The following PTPRG variants were observed in gnomAD, a reference collection of about 807,000 sequenced individuals.
PTPRG encodes receptor-type tyrosine-protein phosphatase gamma.
PTPRG carries 102 observed loss-of-function variants against 165.3 expected under a neutral mutation model. That is an observed-to-expected ratio of 0.62 (90% CI 0.53 to 0.73). PTPRG has a LOEUF of 0.73. Among genes scored for constraint, PTPRG ranks in the 30% least tolerant of loss-of-function variants. PTPRG has a pLI of 0.00. For synonymous variants in PTPRG, 675 were observed against 669.5 expected (o/e 1.01, Z -0.13); for missense variants, 1,866 against 1,861.4 (o/e 1.00, Z -0.05).
At chr3:62,236,228 ACTC>A (rs902803698) in intron 14 of PTPRG, among the ~76,000 whole-genome samples, 7 of 151,956 alleles carry the variant, frequency 4.6e-5, no homozygotes, top group Admixed American at 4.6e-4. Flanking sequence ...TATTTCAGAC[ACTC>A]CTCTTTGAGG....
intron 1 of PTPRG, among the ~76,000 whole-genome samples, chr3:61,667,643 C>T (rs1177125447): frequency 6.6e-6 from 1 of 152,032 alleles, no homozygotes; most frequent in Non-Finnish European, 1.5e-5. Context: ...CCAGAATTAC[C>T]GGCTAATAAA....
At chr3:61,851,902 C>G (rs1270286820) in intron 2 of PTPRG, among the ~76,000 whole-genome samples, 2 of 152,034 alleles carry the variant, frequency 1.3e-5, no homozygotes, top group Non-Finnish European at 2.9e-5. Context: ...ATTGGAGTCA[C>G]GTAATTTTCC....
intron 1 of PTPRG, among the ~76,000 whole-genome samples, chr3:61,594,502 CAA>C (rs2106830216): frequency 6.6e-6 from 1 of 152,108 alleles, no homozygotes; most frequent in East Asian, 1.9e-4. Context: ...ATTTAGAGGA[CAA>C]GAGCAACTTC....
At chr3:61,749,140 A>G in intron 2 of PTPRG, 158 bp downstream of exon 2, 1 of 721,876 alleles carries the variant, frequency 1.4e-6, no homozygotes, top group Non-Finnish European at 2.5e-6. Context: ...GTTTTTCCTC[A>G]AGGTTATAAG....
chr3:62,093,149 T>A (rs545288225), intron 5 of PTPRG, among the ~76,000 whole-genome samples: 101 of 152,302 alleles, frequency 6.6e-4, no homozygotes, highest in African/African-American at 2.3e-3. Context: ...TTCTAAATAG[T>A]GCACACAGGT....
At chr3:61,925,328 C>A (rs774066347) in intron 2 of PTPRG, among the ~76,000 whole-genome samples, 2 of 152,186 alleles carry the variant, frequency 1.3e-5, no homozygotes, top group Non-Finnish European at 2.9e-5. Context: ...CCTTGTGGGT[C>A]CAAAATGGTT....
Position 62,210,289 on chromosome 3 carries a change from T to C in PTPRG, c.2155+6339T>C, listed in dbSNP as rs1475583299. ...TATTTGTAACTGATGAACAATCATT[T>C]CTCTGCAGCAGTGGTTTGGGTAACG... On this transcript the variant is annotated intron_variant, in intron 12 of 29. Coordinates refer to ENST00000474889, the MANE Select transcript of PTPRG (RefSeq NM_002841.4). The surrounding 1 kb of genome is among the most constrained non-coding windows in gnomAD (Gnocchi z 4.1). 6.6e-6 allele frequency among the ~76,000 whole-genome samples: 1 copy of C among 152,218 alleles called. No homozygotes were observed. Among genetic ancestry groups the C allele is most frequent in the Non-Finnish European group, 1.5e-5 (1 of 68,042 alleles).
chr3:62,008,504 C>T (rs2041346481), intron 4 of PTPRG, among the ~76,000 whole-genome samples: 1 of 152,174 alleles, frequency 6.6e-6, no homozygotes, highest in Admixed American at 6.5e-5. Context: ...AGGCATTTTT[C>T]CTAATGTATA....
chr3:62,001,085 C>T (rs1027784914), intron 3 of PTPRG, among the ~76,000 whole-genome samples: 1 of 152,090 alleles, frequency 6.6e-6, no homozygotes, highest in African/African-American at 2.4e-5. Context: ...TGACTGCCTT[C>T]GGTATATTCT....
At chr3:61,754,586 G>C (rs934018934) in intron 2 of PTPRG, among the ~76,000 whole-genome samples, 2 of 152,112 alleles carry the variant, frequency 1.3e-5, no homozygotes, top group Admixed American at 6.6e-5. Flanking sequence ...AAGTGGACAA[G>C]TGGATACACG....
intron 2 of PTPRG, among the ~76,000 whole-genome samples, chr3:61,939,854 A>G (rs1267228044): frequency 6.8e-6 from 1 of 146,330 alleles, no homozygotes; most frequent in South Asian, 2.2e-4. Context: ...AGAGAGTAAC[A>G]TTTTGGATAA....
chr3:62,285,971 A>G (rs1702642440), intron 28 of PTPRG, among the ~76,000 whole-genome samples: 1 of 152,214 alleles, frequency 6.6e-6, no homozygotes, highest in African/African-American at 2.4e-5. Context: ...TGAGTGGACA[A>G]TTAAAAAGAG....
chr3:61,928,302 A>G (rs926057302), intron 2 of PTPRG, among the ~76,000 whole-genome samples: 2 of 152,228 alleles, frequency 1.3e-5, no homozygotes, highest in Non-Finnish European at 2.9e-5. Flanking sequence ...CTGCAGAATA[A>G]TGCGACCCCA....
intron 5 of PTPRG, among the ~76,000 whole-genome samples, chr3:62,100,049 G>A (rs1267451125): frequency 6.6e-6 from 1 of 151,766 alleles, no homozygotes; most frequent in Non-Finnish European, 1.5e-5. Flanking sequence ...TTCCCACCTT[G>A]GCCTCCCAAA....
intron 2 of PTPRG, among the ~76,000 whole-genome samples, chr3:61,786,179 G>C (rs1279003379): frequency 1.3e-5 from 2 of 152,218 alleles, no homozygotes; most frequent in African/African-American, 4.8e-5. Flanking sequence ...AGAGTAGGTA[G>C]TGTCAGATGT....
At chr3:61,838,915 G>C (rs548240079) in intron 2 of PTPRG, among the ~76,000 whole-genome samples, 1 of 152,282 alleles carries the variant, frequency 6.6e-6, no homozygotes, top group Admixed American at 6.5e-5. Flanking sequence ...TAAAATCTAA[G>C]CTTTTCATGC....
chr3:61,771,054 CCTT>C (rs1414545775), intron 2 of PTPRG: 1 of 152,192 alleles, frequency 6.6e-6, no homozygotes, highest in African/African-American at 2.4e-5. Context: ...CTTTATTTCT[CCTT>C]CTATTCATCT....
At chr3:62,151,893 G>A (rs1704349859) in intron 6 of PTPRG, among the ~76,000 whole-genome samples, 1 of 152,040 alleles carries the variant, frequency 6.6e-6, no homozygotes, top group Non-Finnish European at 1.5e-5. Flanking sequence ...ACTCATTTGA[G>A]TCATACTCAG....
chr3:61,748,725 A>T (rs1488752018), intron 1 of PTPRG, among the ~76,000 whole-genome samples, 153 bp from the exon 2 acceptor site: 4 of 72,920 alleles, frequency 5.5e-5, no homozygotes, highest in Non-Finnish European at 1.2e-4. Context: ...ACTTTCCTAT[A>T]GTTTTTTTTT....
Sources: gnomAD v4.1 joint callset for allele counts (sites outside exome capture counted in the v4.1 genomes callset) on GRCh38, gnomAD v4.1.1 for gene constraint, Gnocchi (gnomAD v3.1) non-coding constraint, MANE v1.5 for transcripts, NCBI Gene and HGNC (gene_info 2026-07-23, HGNC 2026-07-21) for gene names.